The following RAD54B variants were observed in gnomAD, a reference collection of about 807,000 sequenced individuals.
The protein encoded by RAD54B is RAD54 homolog B.
A neutral mutation model predicts 95.8 loss-of-function variants in RAD54B; 78 were observed. That is an observed-to-expected ratio of 0.81 (90% CI 0.68 to 0.98). The LOEUF (loss-of-function observed/expected upper bound fraction) is 0.98, where lower values mean the gene tolerates loss of function less well. Ranked by LOEUF, RAD54B falls within the 50% of genes least tolerant of loss-of-function variation. The pLI is 0.00. For synonymous variants in RAD54B, 328 were observed against 354.9 expected (o/e 0.92, Z 0.85); for missense variants, 957 against 1,056.6 (o/e 0.91, Z 1.31).
intron 3 of RAD54B, among the ~76,000 whole-genome samples, chr8:94,414,374 G>A (rs1242349403): frequency 9.9e-5 from 15 of 152,150 alleles, no homozygotes; most frequent in Non-Finnish European, 7.3e-5. Flanking sequence ...TTGAATAGGA[G>A]TGGTGAGAGA....
At chr8:94,379,216 A>C (rs1024402945) in intron 12 of RAD54B, among the ~76,000 whole-genome samples, 3 of 152,198 alleles carry the variant, frequency 2.0e-5, no homozygotes, top group Non-Finnish European at 4.4e-5. Flanking sequence ...CACACCAGAT[A>C]GTTTATGCTA....
chr8:94,386,220 T>C (rs1810886720), intron 11 of RAD54B, among the ~76,000 whole-genome samples: 1 of 146,832 alleles, frequency 6.8e-6, no homozygotes, highest in Non-Finnish European at 1.5e-5. Context: ...AAAAATAAAA[T>C]CAATAGAATT....
chr8:94,429,853 ATT>A, intron 3 of RAD54B: 10 of 985,306 alleles, frequency 1.0e-5, no homozygotes, highest in Non-Finnish European at 1.2e-5. Flanking sequence ...CCTTGAGTTC[ATT>A]TTTTTCTATT....
chr8:94,465,990 G>A (rs1813015241), intron 2 of RAD54B, among the ~76,000 whole-genome samples: 1 of 152,192 alleles, frequency 6.6e-6, no homozygotes, highest in South Asian at 2.1e-4. Flanking sequence ...TAGAATCGTG[G>A]TTATCAGGAG....
chr8:94,470,450 C>T (rs1212570386), intron 1 of RAD54B, among the ~76,000 whole-genome samples: 3 of 152,120 alleles, frequency 2.0e-5, no homozygotes, highest in Non-Finnish European at 2.9e-5. Flanking sequence ...ACAAAATTAG[C>T]CAGGCGTGGT....
chr8:94,460,527 A>T (rs1410146156), intron 2 of RAD54B, among the ~76,000 whole-genome samples: 1 of 152,230 alleles, frequency 6.6e-6, no homozygotes, highest in Non-Finnish European at 1.5e-5. Flanking sequence ...GAAGTTAGGT[A>T]ATATGGACAA....
intron 3 of RAD54B, chr8:94,436,647 C>T: frequency 1.3e-6 from 2 of 1,550,498 alleles, no homozygotes; most frequent in South Asian, 1.2e-5. Flanking sequence ...ATTCTTTGAG[C>T]CTTTTATAAA....
At chr8:94,414,016 A>T (rs1481230713) in intron 3 of RAD54B, among the ~76,000 whole-genome samples, 1 of 151,818 alleles carries the variant, frequency 6.6e-6, no homozygotes, top group Non-Finnish European at 1.5e-5. Context: ...TTGTACTTTT[A>T]GCAGAGACGG....
chr8:94,440,959 TG>T (rs999816425), intron 3 of RAD54B, among the ~76,000 whole-genome samples: 12 of 152,210 alleles, frequency 7.9e-5, no homozygotes, highest in African/African-American at 2.9e-4. Flanking sequence ...AAACCAGGCC[TG>T]GGCCTGCCTG....
At position 94,391,638 on chromosome 8, in the gene RAD54B, G is replaced by A. The variant is rs748034453; in HGVS notation, c.1780C>T (p.His594Tyr). The change falls in exon 10 of 15, where the codon CAC (histidine) becomes TAC (tyrosine). Residue 594 changes from histidine to tyrosine, a missense_variant. By Grantham distance (83) the His-to-Tyr change is moderately conservative. Transcript: ENST00000336148. ...CIGALKKLCNHPCLLFNSIKE... is the reference protein window; with the variant it reads ...CIGALKKLCNYPCLLFNSIKE... Reference sequence around the variant, plus strand: ...ATAGAGTTGAACAAAAGGCAGGGGTGATTGCACAGTTTTTTAAGAGCTCCT... The same window carrying A: ...ATAGAGTTGAACAAAAGGCAGGGGTAATTGCACAGTTTTTTAAGAGCTCCT... 1.9e-6 allele frequency: 3 copies of A among 1,613,760 alleles called. No homozygotes were observed. The highest frequency in any genetic ancestry group is 4.5e-5 in the East Asian group (2 of 44,860).
intron 6 of RAD54B, among the ~76,000 whole-genome samples, chr8:94,401,071 C>T (rs1185792582): frequency 6.6e-6 from 1 of 151,986 alleles, no homozygotes; most frequent in African/African-American, 2.4e-5. Flanking sequence ...TATTTTTATG[C>T]CACTTTATAT....
intron 3 of RAD54B, chr8:94,436,936 T>C: frequency 6.9e-7 from 1 of 1,451,692 alleles, no homozygotes; most frequent in East Asian, 2.5e-5. Flanking sequence ...CTCAGCTCTT[T>C]TCACAAACAG....
At chr8:94,454,590 TTGTGTTTAACAAGCC>T (rs72403398) in intron 3 of RAD54B, among the ~76,000 whole-genome samples, 38,013 of 152,162 alleles carry the variant, frequency 0.25, 5,710 homozygotes, top group East Asian at 0.43. Context: ...CACACATCTT[TTGTGTTTAACAAGCC>T]TTTTATCCAA....
intron 4 of RAD54B, among the ~76,000 whole-genome samples, chr8:94,409,606 T>A (rs1035993704): frequency 1.3e-5 from 2 of 152,210 alleles, no homozygotes; most frequent in Middle Eastern, 3.4e-3. Context: ...CCTCAAGCAA[T>A]CCTTCCCCAT....
chr8:94,389,614 A>T (rs1810968543), intron 10 of RAD54B, among the ~76,000 whole-genome samples: 1 of 152,160 alleles, frequency 6.6e-6, no homozygotes, highest in Non-Finnish European at 1.5e-5. Flanking sequence ...GTTACGTTCC[A>T]CTCACATTTC....
rs1811080907 is a variant in RAD54B at position 94,393,876 on chromosome 8, G to C, written c.1385C>G (p.Pro462Arg). 6.2e-7 allele frequency: 1 copy of C among 1,604,552 alleles called. No individual in the cohort carries two copies. The highest frequency in any genetic ancestry group is 1.7e-5 in the Admixed American group (1 of 58,008). The stretch of plus-strand genomic sequence containing the variant: ...AAATTCTTGCAGATCATTCTGAATT[G>C]GAGTACCTAAAGAGAGACAAAAATG... ...CEKRIILTGT[P>R]IQNDLQEFFA... is the part of the protein sequence containing the mutation. Residue 462 changes from proline to arginine, a missense_variant, in exon 9 of 15, where the codon CCA (proline) becomes CGA (arginine). By Grantham distance (103) the Pro-to-Arg change is moderately radical. Coordinates refer to ENST00000336148, the MANE Select transcript of RAD54B (RefSeq NM_012415.3).
chr8:94,400,351 GCTTGCCTCC>G lies in RAD54B; in HGVS notation c.1048_1056del (p.Gly350_Lys352del). ...ACAATTAGTGTCTTCTTTATTACTG[GCTTGCCTCC>G]ATAGGGTCCCTGACACTGCAGGGTC... On this transcript the variant is annotated inframe_deletion, in exon 7 of 15. Transcript: ENST00000336148. 6.2e-7 allele frequency: 1 copy of G among 1,613,582 alleles called. No homozygotes were observed. Among genetic ancestry groups the G allele is most frequent in the Admixed American group, 1.7e-5 (1 of 59,910 alleles).
intron 8 of RAD54B, among the ~76,000 whole-genome samples, chr8:94,394,465 G>A (rs28641679): frequency 0.4 from 61,172 of 151,786 alleles, 12,449 homozygotes; most frequent in Admixed American, 0.51. Flanking sequence ...AATTATAATG[G>A]AAAGTAGAGA....
intron 14 of RAD54B, among the ~76,000 whole-genome samples, chr8:94,374,440 C>G (rs558051323): frequency 1.3e-5 from 2 of 152,014 alleles, no homozygotes; most frequent in African/African-American, 4.8e-5. Context: ...AATAAAAATA[C>G]CTTAATAATG....
Sources: allele counts gnomAD v4.1 joint callset (sites outside exome capture counted in the v4.1 genomes callset), GRCh38; gene constraint gnomAD v4.1.1; transcripts MANE v1.5; gene names NCBI Gene and HGNC (gene_info 2026-07-23, HGNC 2026-07-21).